The following EPB41L4A variants were observed in gnomAD, a reference collection of about 807,000 sequenced individuals.
The protein encoded by EPB41L4A is band 4.1-like protein 4A.
In EPB41L4A, 100 loss-of-function variants were observed where a neutral mutation model predicts 108.6. The ratio of observed to expected loss-of-function variants is 0.92; its 90% CI spans 0.78 to 1.09. The LOEUF is 1.09. Among genes scored for constraint, EPB41L4A ranks in the 50% least tolerant of loss-of-function variants. The pLI is 0.00. For synonymous variants in EPB41L4A, 319 were observed against 289.0 expected (o/e 1.10, Z -1.05); for missense variants, 1,030 against 842.7 (o/e 1.22, Z -2.75).
At chr5:112,147,274 T>A (rs1228922445) in intron 12 of EPB41L4A, among the ~76,000 whole-genome samples, 3 of 152,238 alleles carry the variant, frequency 2.0e-5, no homozygotes, top group Non-Finnish European at 4.4e-5. Flanking sequence ...ATAAAATCTG[T>A]GTTATCAAAT....
At chr5:112,279,547 AC>A (rs1333896732) in intron 3 of EPB41L4A, among the ~76,000 whole-genome samples, 1 of 152,182 alleles carries the variant, frequency 6.6e-6, no homozygotes, top group Non-Finnish European at 1.5e-5. Flanking sequence ...ACCTAATGCC[AC>A]TGAATTGCAC....
At chr5:112,293,092 G>GTATATGGA (rs1156824310) in intron 2 of EPB41L4A, among the ~76,000 whole-genome samples, 1 of 152,022 alleles carries the variant, frequency 6.6e-6, no homozygotes, top group African/African-American at 2.4e-5. Context: ...AAATATAAAT[G>GTATATGGA]TATATGGATA....
At chr5:112,409,919 G>C (rs563184796) in intron 1 of EPB41L4A, among the ~76,000 whole-genome samples, 4 of 152,318 alleles carry the variant, frequency 2.6e-5, no homozygotes, top group African/African-American at 9.6e-5. Context: ...AGCCAGATTT[G>C]TCTATGACAA....
At chr5:112,240,676 T>G (rs756514113) in intron 10 of EPB41L4A, 43 bp downstream of exon 10, 2 of 1,092,824 alleles carry the variant, frequency 1.8e-6, no homozygotes, top group Admixed American at 5.3e-5. Flanking sequence ...AAATGCCATT[T>G]TCATTTATTA....
intron 9 of EPB41L4A, among the ~76,000 whole-genome samples, chr5:112,254,397 C>T (rs760895873): frequency 6.6e-6 from 1 of 151,594 alleles, no homozygotes; most frequent in African/African-American, 2.4e-5. Context: ...ACATCTCCTA[C>T]TCTGTCTGCC....
intron 2 of EPB41L4A, among the ~76,000 whole-genome samples, chr5:112,282,791 T>C (rs1332347870): frequency 6.6e-6 from 1 of 152,240 alleles, no homozygotes; most frequent in East Asian, 1.9e-4. Context: ...ACTGTCTGTC[T>C]AATCTTGTTC....
intron 12 of EPB41L4A, among the ~76,000 whole-genome samples, chr5:112,231,260 G>A (rs1029354513): frequency 6.6e-6 from 1 of 152,120 alleles, no homozygotes; most frequent in African/African-American, 2.4e-5. Flanking sequence ...TATCCATGAG[G>A]TATTATTAAG....
chr5:112,366,195 C>T (rs1306349513), intron 1 of EPB41L4A, among the ~76,000 whole-genome samples: 2 of 152,226 alleles, frequency 1.3e-5, no homozygotes, highest in East Asian at 1.9e-4. Flanking sequence ...ACTGCCCCTG[C>T]CACCTGCAAC....
In EPB41L4A at chr5:112,380,461, A is replaced by G. The variant is rs554227148; in HGVS notation, c.99+38480T>C. Among the ~76,000 whole-genome samples the G allele has an allele frequency of 3.9e-5, 6 of 152,242 alleles. No homozygotes were observed. In the South Asian group the frequency reaches 1.2e-3, roughly 32 times the overall value. ...TTCTACAAAATGATAAAATAACTCT[A>G]AAGATAGATAGGAATTGACCATAGA... On this transcript the variant is annotated intron_variant, in intron 1 of 22. Transcript: ENST00000261486.
intron 1 of EPB41L4A, among the ~76,000 whole-genome samples, chr5:112,396,906 C>G (rs1761391007): frequency 6.6e-6 from 1 of 152,128 alleles, no homozygotes; most frequent in Admixed American, 6.5e-5. Context: ...CAACATGGTG[C>G]AAGTAATATG....
chr5:112,271,042 G>C (rs1278736094), intron 4 of EPB41L4A, among the ~76,000 whole-genome samples: 2 of 152,042 alleles, frequency 1.3e-5, no homozygotes, highest in African/African-American at 4.8e-5. Flanking sequence ...TTCTCTCTTC[G>C]GGCAGACTGA....
chr5:112,152,819 G>A (rs928394436), intron 12 of EPB41L4A, among the ~76,000 whole-genome samples: 1 of 151,634 alleles, frequency 6.6e-6, no homozygotes, highest in Admixed American at 6.6e-5. Flanking sequence ...AATTCTCGAA[G>A]CAAAAAAAAT....
chr5:112,300,188 T>A (rs1054985542), intron 2 of EPB41L4A, among the ~76,000 whole-genome samples: 1 of 152,042 alleles, frequency 6.6e-6, no homozygotes, highest in African/African-American at 2.4e-5. Context: ...TTCATTGTGC[T>A]ATTTGTTGCC....
At chr5:112,232,291 T>C (rs1285093271) in intron 12 of EPB41L4A, among the ~76,000 whole-genome samples, 1 of 152,174 alleles carries the variant, frequency 6.6e-6, no homozygotes, top group Non-Finnish European at 1.5e-5. Flanking sequence ...ACTTGTTGCA[T>C]ATGAGCGTGT....
At chr5:112,194,535 G>T in intron 17 of EPB41L4A, 33 bp downstream of exon 17, 3 of 1,295,784 alleles carry the variant, frequency 2.3e-6, no homozygotes, top group South Asian at 1.4e-5. Context: ...TCTGATTTCA[G>T]AGTGCCAGTT....
chr5:112,392,045 G>A (rs1760980237), intron 1 of EPB41L4A, among the ~76,000 whole-genome samples: 1 of 152,124 alleles, frequency 6.6e-6, no homozygotes, highest in Admixed American at 6.5e-5. Context: ...GTCAGCACCA[G>A]TCCTGGCTTA....
intron 2 of EPB41L4A, among the ~76,000 whole-genome samples, chr5:112,286,986 T>C (rs1032866645): frequency 2.6e-5 from 4 of 152,216 alleles, no homozygotes; most frequent in African/African-American, 9.6e-5. Flanking sequence ...CACACGCTTC[T>C]AGGACACTCC....
Position 112,205,456 on chromosome 5 carries a change from T to C in EPB41L4A, c.1227A>G (p.Lys409=). The change falls in exon 14 of 23, where the codon AAA becomes AAG. Residue 409 remains lysine (K), a synonymous_variant. Coordinates refer to ENST00000261486, the MANE Select transcript of EPB41L4A (RefSeq NM_022140.5). ...NENSPDTQRS[K]SHAPWEENGP... is the part of the protein sequence containing the mutation. ...CATTTTCTTCCCACGGTGCATGAGA[T>C]TTGCTTCTTTGGGTATCAGGGCTAT... 1 of 1,613,960 alleles carries C rather than the reference T, an allele frequency of 6.2e-7. No individual in the cohort carries two copies. The highest frequency in any genetic ancestry group is 1.1e-5 in the South Asian group (1 of 91,028).
At chr5:112,217,037 C>T (rs550738420) in intron 12 of EPB41L4A, among the ~76,000 whole-genome samples, 5 of 151,940 alleles carry the variant, frequency 3.3e-5, no homozygotes, top group Non-Finnish European at 7.4e-5. Flanking sequence ...CACAGTCTCC[C>T]AGGTTCAAGC....
Sources: gnomAD v4.1 joint callset for allele counts (sites outside exome capture counted in the v4.1 genomes callset) on GRCh38, gnomAD v4.1.1 for gene constraint, MANE v1.5 for transcripts, NCBI Gene and HGNC (gene_info 2026-07-23, HGNC 2026-07-21) for gene names.